Variants in SGMS1 observed in about 807,000 individuals in gnomAD.
SGMS1 encodes sphingomyelin synthase 1.
SGMS1 carries 13 observed loss-of-function variants against 46.2 expected under a neutral mutation model. The ratio of observed to expected loss-of-function variants is 0.28; its 90% confidence interval spans 0.18 to 0.45. The LOEUF is 0.45. Ranked by LOEUF, SGMS1 falls within the 20% of genes least tolerant of loss-of-function variation. The probability of loss-of-function intolerance (pLI) is 1.00; values close to 1 mark genes in which losing one functional copy is unlikely to be tolerated. For missense variants in SGMS1, 324 were observed against 519.9 expected (o/e 0.62, Z 3.66); for synonymous variants, 203 against 187.8 (o/e 1.08, Z -0.66).
intron 3 of SGMS1, among the ~76,000 whole-genome samples, chr10:50,499,179 A>G (rs1455505826): frequency 6.6e-6 from 1 of 152,208 alleles, no homozygotes; most frequent in East Asian, 1.9e-4. Context: ...AATTTTAAAA[A>G]TAAAGCTTTG....
intron 3 of SGMS1, among the ~76,000 whole-genome samples, chr10:50,474,568 GAACT>G (rs769311520): frequency 1.4e-4 from 22 of 152,188 alleles, no homozygotes; most frequent in Non-Finnish European, 2.4e-4. Flanking sequence ...TTCATAATTA[GAACT>G]AACAAATTTT....
At chr10:50,603,416 A>C (rs549370006) in intron 1 of SGMS1, among the ~76,000 whole-genome samples, 1 of 152,314 alleles carries the variant, frequency 6.6e-6, no homozygotes, top group South Asian at 2.1e-4. Flanking sequence ...ACCATGATGC[A>C]CACCTCTCAC....
At chr10:50,389,104 A>G (rs1848727993) in intron 6 of SGMS1, among the ~76,000 whole-genome samples, 2 of 147,776 alleles carry the variant, frequency 1.4e-5, no homozygotes, top group African/African-American at 5.4e-5. Context: ...CATATACCTT[A>G]AATATATACA....
In SGMS1 at chr10:50,391,567, T is replaced by G. The variant is rs571883857; in HGVS notation, c.-232+41909A>C. On this transcript the variant is annotated intron_variant, in intron 6 of 10. Transcript: ENST00000361781. Reference sequence around the variant, plus strand: ...AAAGGGAACACTTACACACCGCTGGTGGGAATGTAAATTAGTTCAACTATT... The same window carrying G: ...AAAGGGAACACTTACACACCGCTGGGGGGAATGTAAATTAGTTCAACTATT... Among the ~76,000 whole-genome samples, 11 of 152,326 alleles carry G rather than the reference T, an allele frequency of 7.2e-5. 1 individual carries two copies. The South Asian group carries it at 2.1e-3, about 29-fold the overall frequency.
chr10:50,491,155 G>A lies in SGMS1; in HGVS notation c.-497-24223C>T, dbSNP rs1440301920. Among the ~76,000 whole-genome samples the A allele has an allele frequency of 2.0e-5, 3 of 152,116 alleles. No homozygotes were observed. The East Asian group carries it at 5.8e-4, about 29-fold the overall frequency. On this transcript the variant is annotated intron_variant, in intron 3 of 10. Coordinates refer to ENST00000361781, the MANE Select transcript of SGMS1 (RefSeq NM_147156.4). ...TGAGCCCAGGAGTTCAAGAGCAGCT[G>A]GGGAATGCAGGGAGGCCCCATCTTT... is the stretch of plus-strand genomic sequence containing the variant.
chr10:50,549,655 T>C (rs536259714), intron 2 of SGMS1, among the ~76,000 whole-genome samples: 113 of 152,278 alleles, frequency 7.4e-4, no homozygotes, highest in African/African-American at 2.6e-3. Flanking sequence ...CGTTTACCTA[T>C]GTAACAAATC....
intron 6 of SGMS1, among the ~76,000 whole-genome samples, chr10:50,393,876 A>G (rs1041938625): frequency 1.3e-5 from 2 of 152,210 alleles, no homozygotes; most frequent in African/African-American, 4.8e-5. Context: ...CCAAGCCCCA[A>G]CCAAGGGGAT....
chr10:50,346,540 T>C (rs774832995), intron 6 of SGMS1, among the ~76,000 whole-genome samples: 16 of 152,160 alleles, frequency 1.1e-4, no homozygotes, highest in Non-Finnish European at 2.2e-4. Flanking sequence ...ATACATACTA[T>C]AATCTCTCCT....
chr10:50,409,094 A>G (rs4536155), intron 6 of SGMS1, among the ~76,000 whole-genome samples: 107,085 of 151,940 alleles, frequency 0.7, 37,940 homozygotes, highest in Middle Eastern at 0.82. Flanking sequence ...TTATTGCTTT[A>G]TTTTTCCTTT....
At chr10:50,516,339 A>C (rs560352755) in intron 3 of SGMS1, among the ~76,000 whole-genome samples, 2 of 152,324 alleles carry the variant, frequency 1.3e-5, no homozygotes, top group African/African-American at 4.8e-5. Context: ...GATGCCTCTA[A>C]TTCACAACAG....
At chr10:50,412,682 G>C (rs1412985651) in intron 6 of SGMS1, among the ~76,000 whole-genome samples, 1 of 151,876 alleles carries the variant, frequency 6.6e-6, no homozygotes, top group Non-Finnish European at 1.5e-5. Flanking sequence ...TACACCTTAA[G>C]GCATGGAAAA....
rs75232060 is a variant in SGMS1, at chr10:50,441,675, C to T, written c.-312-8119G>A. Among the ~76,000 whole-genome samples the T allele has an allele frequency of 9.5e-3, 1,453 of 152,336 alleles. 26 individuals carry two copies. Among genetic ancestry groups the T allele is most frequent in the African/African-American group, 0.033 (1,388 of 41,580 alleles). On this transcript the variant is annotated intron_variant, in intron 5 of 10. Coordinates refer to ENST00000361781, the MANE Select transcript of SGMS1 (RefSeq NM_147156.4). ...GGCTATTTATCTACTTTCTTTACCA[C>T]GTATAACCAGAAAACACTGCTTCCT...
At chr10:50,493,568 A>G (rs1041339279) in intron 3 of SGMS1, among the ~76,000 whole-genome samples, 2 of 152,246 alleles carry the variant, frequency 1.3e-5, no homozygotes, top group Admixed American at 6.5e-5. Flanking sequence ...CAAACTATGC[A>G]TCTGACAAAG....
chr10:50,456,446 G>T (rs1310467039), intron 5 of SGMS1, among the ~76,000 whole-genome samples: 2 of 152,120 alleles, frequency 1.3e-5, no homozygotes, highest in Non-Finnish European at 2.9e-5. Context: ...TAGTCTTTAA[G>T]AGAACAAGAA....
intron 2 of SGMS1, among the ~76,000 whole-genome samples, chr10:50,540,736 C>A (rs753644085): frequency 2.6e-5 from 4 of 152,046 alleles, no homozygotes; most frequent in Non-Finnish European, 2.9e-5. Flanking sequence ...CCAGGTCATG[C>A]GAGTCACTAA....
chr10:50,552,725 T>C (rs141304686), intron 2 of SGMS1, among the ~76,000 whole-genome samples: 27 of 152,336 alleles, frequency 1.8e-4, no homozygotes, highest in African/African-American at 6.3e-4. Flanking sequence ...CTGGAATCTG[T>C]GAATGTTATC....
At chr10:50,524,084 AG>A (rs771061669) in intron 2 of SGMS1, among the ~76,000 whole-genome samples, 37 of 152,252 alleles carry the variant, frequency 2.4e-4, no homozygotes, top group Non-Finnish European at 4.3e-4. Flanking sequence ...GTTCTACTTC[AG>A]GTCCCCTAGA....
chr10:50,587,589 A>G (rs1222637210), intron 2 of SGMS1, among the ~76,000 whole-genome samples: 2 of 149,012 alleles, frequency 1.3e-5, no homozygotes, highest in Non-Finnish European at 1.5e-5. Flanking sequence ...GTGCCACTGC[A>G]CTCCAGCCTG....
chr10:50,393,244 T>C (rs1460730222), intron 6 of SGMS1, among the ~76,000 whole-genome samples: 1 of 152,122 alleles, frequency 6.6e-6, no homozygotes, highest in Non-Finnish European at 1.5e-5. Context: ...ATTACCCACG[T>C]TACACTCTCT....
Sources: gnomAD v4.1 joint callset for allele counts (sites outside exome capture counted in the v4.1 genomes callset) on GRCh38, gnomAD v4.1.1 for gene constraint, MANE v1.5 for transcripts, NCBI Gene and HGNC (gene_info 2026-07-23, HGNC 2026-07-21) for gene names.